Variants in STXBP5L observed in about 807,000 individuals in gnomAD.
STXBP5L encodes syntaxin binding protein 5L.
In STXBP5L, 65 loss-of-function variants were observed where a neutral mutation model predicts 144.5. That is an observed-to-expected ratio of 0.45 (90% CI 0.37 to 0.55). The LOEUF is 0.55. Among genes scored for constraint, STXBP5L ranks in the 20% least tolerant of loss-of-function variants. The pLI is 0.00. For missense variants in STXBP5L, 1,298 were observed against 1,405.5 expected (o/e 0.92, Z 1.22); for synonymous variants, 505 against 469.6 (o/e 1.08, Z -0.97).
At chr3:121,269,439 G>A (rs201775567) in intron 18 of STXBP5L, among the ~76,000 whole-genome samples, 3 of 149,474 alleles carry the variant, frequency 2.0e-5, no homozygotes, top group Non-Finnish European at 4.5e-5. Context: ...ATATATATAT[G>A]TATATATATA....
Position 120,973,548 on chromosome 3 carries a change from TA to T in STXBP5L, c.287+18512del, listed in dbSNP as rs368315213. Among the ~76,000 whole-genome samples, 484 of 152,200 alleles carry T rather than the reference TA, an allele frequency of 3.2e-3. 3 individuals carry two copies. Among genetic ancestry groups the T allele is most frequent in the African/African-American group, 0.011 (451 of 41,556 alleles). ...AACTTTTCATTTCTTTGATTCTTTATATTTTTTTATTATACTTTAGTTTTAG... is the reference window on the plus strand; with the variant it reads ...AACTTTTCATTTCTTTGATTCTTTATTTTTTTTATTATACTTTAGTTTTAG... On this transcript the variant is annotated intron_variant, in intron 3 of 26. Transcript: ENST00000471454.
chr3:121,312,162 C>T (rs1033678739), intron 19 of STXBP5L, among the ~76,000 whole-genome samples: 5 of 152,092 alleles, frequency 3.3e-5, no homozygotes, highest in Admixed American at 3.3e-4. Flanking sequence ...GAAACTGAAT[C>T]CCTGCCTTAC....
chr3:121,072,044 T>G (rs2041832795), intron 5 of STXBP5L, among the ~76,000 whole-genome samples: 1 of 152,250 alleles, frequency 6.6e-6, no homozygotes. Flanking sequence ...GTATGCAGTT[T>G]CCATTTGATT....
chr3:121,057,016 A>G (rs187518862), intron 5 of STXBP5L, among the ~76,000 whole-genome samples: 69 of 150,946 alleles, frequency 4.6e-4, no homozygotes, highest in African/African-American at 1.6e-3. Flanking sequence ...TACACACAAT[A>G]TATTGTTAAA....
At chr3:121,089,092 T>TA (rs375977537) in intron 5 of STXBP5L, among the ~76,000 whole-genome samples, 12,824 of 56,254 alleles carry the variant, frequency 0.23, 2,338 homozygotes, top group East Asian at 0.42. Flanking sequence ...TAGAGTATAA[T>TA]AAAAAAAAAA....
At chr3:121,340,791 C>A (rs779079202) in intron 20 of STXBP5L, among the ~76,000 whole-genome samples, 1 of 151,924 alleles carries the variant, frequency 6.6e-6, no homozygotes, top group Non-Finnish European at 1.5e-5. Flanking sequence ...TAAAAAATAA[C>A]AACAACTTTT....
chr3:121,267,284 A>G (rs1408486876), intron 18 of STXBP5L, among the ~76,000 whole-genome samples: 1 of 152,230 alleles, frequency 6.6e-6, no homozygotes, highest in South Asian at 2.1e-4. Context: ...GATCTTTGAC[A>G]AACCTGACGA....
intron 9 of STXBP5L, among the ~76,000 whole-genome samples, chr3:121,205,007 T>C (rs2108228345): frequency 6.6e-6 from 1 of 152,326 alleles, no homozygotes; most frequent in African/African-American, 2.4e-5. Flanking sequence ...TCTGTGTTCA[T>C]TGTCTAATGG....
intron 2 of STXBP5L, among the ~76,000 whole-genome samples, chr3:120,910,074 G>C (rs1708751963): frequency 6.6e-6 from 1 of 152,110 alleles, no homozygotes; most frequent in South Asian, 2.1e-4. Flanking sequence ...GCAAATAGTC[G>C]TTTGGTTTTT....
At chr3:121,364,288 C>G (rs971321734) in intron 20 of STXBP5L, among the ~76,000 whole-genome samples, 1 of 152,198 alleles carries the variant, frequency 6.6e-6, no homozygotes, top group Non-Finnish European at 1.5e-5. Flanking sequence ...TTTATGGGAT[C>G]TAGATTCTAC....
At chr3:121,152,110 G>A (rs982228607) in intron 7 of STXBP5L, among the ~76,000 whole-genome samples, 4 of 152,030 alleles carry the variant, frequency 2.6e-5, no homozygotes, top group Admixed American at 2.0e-4. Flanking sequence ...CATTTCTCAA[G>A]TGCATAGGAC....
At chr3:121,031,925 C>T (rs1017617912) in intron 3 of STXBP5L, among the ~76,000 whole-genome samples, 8 of 152,150 alleles carry the variant, frequency 5.3e-5, no homozygotes, top group African/African-American at 1.9e-4. Context: ...GGTTTTGCCA[C>T]TCACTGAGAT....
At chr3:121,175,198 A>G (rs556886403) in intron 9 of STXBP5L, among the ~76,000 whole-genome samples, 11 of 152,256 alleles carry the variant, frequency 7.2e-5, no homozygotes, top group African/African-American at 2.4e-4. Flanking sequence ...TCTCTGGGGA[A>G]CAAAGACTGA....
intron 20 of STXBP5L, among the ~76,000 whole-genome samples, chr3:121,351,904 C>G (rs1427225274): frequency 6.6e-6 from 1 of 152,120 alleles, no homozygotes; most frequent in Non-Finnish European, 1.5e-5. Flanking sequence ...TTACAGATGG[C>G]TAGCCAGTTT....
chr3:121,276,064 C>T (rs781753105), intron 18 of STXBP5L, among the ~76,000 whole-genome samples: 1 of 151,488 alleles, frequency 6.6e-6, no homozygotes, highest in South Asian at 2.1e-4. Context: ...TTTGTCCCCC[C>T]ACTCCCCCTT....
intron 11 of STXBP5L, among the ~76,000 whole-genome samples, chr3:121,233,153 G>A (rs1370329845): frequency 6.6e-6 from 1 of 152,142 alleles, no homozygotes. Context: ...ACATTGAATT[G>A]AAAGTAAACT....
At chr3:121,149,132 T>A (rs2107972755) in intron 7 of STXBP5L, among the ~76,000 whole-genome samples, 1 of 152,170 alleles carries the variant, frequency 6.6e-6, no homozygotes, top group Non-Finnish European at 1.5e-5. Flanking sequence ...CTTGTATTAC[T>A]TGTCTTCTAT....
intron 3 of STXBP5L, among the ~76,000 whole-genome samples, chr3:121,038,665 TA>T (rs1250172004): frequency 1.3e-5 from 2 of 151,988 alleles, no homozygotes; most frequent in Non-Finnish European, 2.9e-5. Flanking sequence ...GATTTTGTCT[TA>T]TATTAGTTAT....
chr3:120,909,884 C>A, intron 2 of STXBP5L, 117 bp downstream of exon 2: 5 of 1,056,174 alleles, frequency 4.7e-6, no homozygotes, highest in Non-Finnish European at 6.8e-6. Flanking sequence ...TCAGAGTCTG[C>A]TGCAGAAAGC....
Sources: allele counts gnomAD v4.1 joint callset (sites outside exome capture counted in the v4.1 genomes callset), GRCh38; gene constraint gnomAD v4.1.1; transcripts MANE v1.5; gene names NCBI Gene and HGNC (gene_info 2026-07-23, HGNC 2026-07-21).